Variants in ADGRL3 observed in about 807,000 individuals in gnomAD.
The protein encoded by ADGRL3 is adhesion G protein-coupled receptor L3, also known as calcium-independent alpha-latrotoxin receptor 3.
A neutral mutation model predicts 153.5 loss-of-function variants in ADGRL3; 62 were observed. The ratio of observed to expected loss-of-function variants is 0.40; its 90% CI spans 0.33 to 0.50. The LOEUF is 0.50. ADGRL3 is among the 20% of genes least tolerant of loss of function. ADGRL3 has a pLI of 0.47. For missense variants in ADGRL3, 1,641 were observed against 1,859.4 expected (o/e 0.88, Z 2.16); for synonymous variants, 710 against 672.5 (o/e 1.06, Z -0.86).
intron 1 of ADGRL3, among the ~76,000 whole-genome samples, chr4:61,337,947 C>T (rs2095714692): frequency 6.6e-6 from 1 of 152,102 alleles, no homozygotes; most frequent in African/African-American, 2.4e-5. Flanking sequence ...ACTTTTAATA[C>T]ATTCAGAGTA....
chr4:61,644,799 G>C (rs2093882716), intron 5 of ADGRL3, among the ~76,000 whole-genome samples: 1 of 152,120 alleles, frequency 6.6e-6, no homozygotes, highest in Admixed American at 6.6e-5. Context: ...TGTCTATTAT[G>C]TCCGCTTGGT....
intron 2 of ADGRL3, among the ~76,000 whole-genome samples, chr4:61,475,664 G>A (rs1449582561): frequency 6.6e-6 from 1 of 152,004 alleles, no homozygotes; most frequent in Non-Finnish European, 1.5e-5. Context: ...AAGATCTTGT[G>A]CTAACTGCTG....
At position 61,822,161 on chromosome 4, in the gene ADGRL3, A is replaced by G. The variant is rs571713776; in HGVS notation, c.1480+8272A>G. Among the ~76,000 whole-genome samples, 12 of 152,322 alleles carry G rather than the reference A, an allele frequency of 7.9e-5. No individual in the cohort carries two copies. The South Asian group carries it at 1.5e-3, about 18-fold the overall frequency. ...AATAGAATACAAACGAAACTTGCAT[A>G]TAACGGAGTTCTTTGATTGCATTAA... On this transcript the variant is annotated intron_variant, in intron 9 of 26. Transcript: ENST00000683033.
At chr4:61,651,864 C>G (rs1478483767) in intron 5 of ADGRL3, among the ~76,000 whole-genome samples, 1 of 151,116 alleles carries the variant, frequency 6.6e-6, no homozygotes, top group Non-Finnish European at 1.5e-5. Flanking sequence ...GATCTGCCTG[C>G]CTTGCCTCCC....
chr4:61,711,147 C>T (rs1160359803), intron 6 of ADGRL3, among the ~76,000 whole-genome samples: 1 of 152,018 alleles, frequency 6.6e-6, no homozygotes, highest in Admixed American at 6.6e-5. Flanking sequence ...ATTGGAAATA[C>T]CATTTTGGAG....
At chr4:61,589,656 T>C (rs2098961414) in intron 5 of ADGRL3, among the ~76,000 whole-genome samples, 1 of 152,070 alleles carries the variant, frequency 6.6e-6, no homozygotes, top group Admixed American at 6.6e-5. Context: ...TATTACTCAG[T>C]ATAAACAGCA....
At chr4:61,210,872 G>A (rs185826396) in intron 1 of ADGRL3, among the ~76,000 whole-genome samples, 2 of 152,106 alleles carry the variant, frequency 1.3e-5, no homozygotes, top group Admixed American at 6.5e-5. Context: ...TTAAATGTTC[G>A]GTTGATGTTG....
At chr4:61,598,061 A>T (rs2098996522) in intron 5 of ADGRL3, among the ~76,000 whole-genome samples, 1 of 152,124 alleles carries the variant, frequency 6.6e-6, no homozygotes, top group Admixed American at 6.6e-5. Context: ...TTGCCTGAGG[A>T]GATACAATCC....
intron 2 of ADGRL3, among the ~76,000 whole-genome samples, chr4:61,483,223 A>T (rs975349450): frequency 6.6e-6 from 1 of 152,202 alleles, no homozygotes; most frequent in African/African-American, 2.4e-5. Flanking sequence ...TGATTTAATT[A>T]TCTCTCTGCA....
intron 8 of ADGRL3, among the ~76,000 whole-genome samples, chr4:61,767,665 G>C (rs967988398): frequency 2.6e-5 from 4 of 152,108 alleles, no homozygotes; most frequent in Non-Finnish European, 4.4e-5. Flanking sequence ...ATTTTCAGTG[G>C]GGTCCCACAC....
chr4:61,218,122 AT>A (rs1190530977), intron 1 of ADGRL3, among the ~76,000 whole-genome samples: 1 of 152,208 alleles, frequency 6.6e-6, no homozygotes, highest in African/African-American at 2.4e-5. Context: ...TACTAATAAA[AT>A]AATAGTGAAG....
chr4:61,504,937 T>C (rs2098417713), intron 3 of ADGRL3, among the ~76,000 whole-genome samples: 1 of 152,232 alleles, frequency 6.6e-6, no homozygotes. Context: ...CACATAGCTC[T>C]TCAAAATACT....
chr4:62,046,558 C>G (rs893968153), intron 25 of ADGRL3, among the ~76,000 whole-genome samples: 17 of 151,854 alleles, frequency 1.1e-4, no homozygotes, highest in Non-Finnish European at 2.9e-5. Flanking sequence ...ATCAAAATCT[C>G]TAGTTTTAAA....
intron 1 of ADGRL3, among the ~76,000 whole-genome samples, chr4:61,366,652 T>G (rs1006679568): frequency 2.0e-5 from 3 of 152,200 alleles, no homozygotes; most frequent in African/African-American, 7.2e-5. Context: ...TATTTTTATT[T>G]GCTATTTAAT....
intron 1 of ADGRL3, among the ~76,000 whole-genome samples, chr4:61,281,457 C>T (rs910504619): frequency 6.6e-6 from 1 of 152,080 alleles, no homozygotes; most frequent in Non-Finnish European, 1.5e-5. Flanking sequence ...ACTTACAATG[C>T]TTGCAGGTAG....
At position 61,651,653 on chromosome 4, in the gene ADGRL3, G is replaced by T. The variant is rs201711722; in HGVS notation, c.474-25173G>T. On this transcript the variant is annotated intron_variant, in intron 5 of 26. Coordinates refer to ENST00000683033, the MANE Select transcript of ADGRL3 (RefSeq NM_001387552.1). Reference sequence around the variant, plus strand: ...AGACGGAGTTTCGCTCTGTCACCAGGCTGGAGTGCAGTGGCGTGATCTCGG... The same window carrying T: ...AGACGGAGTTTCGCTCTGTCACCAGTCTGGAGTGCAGTGGCGTGATCTCGG... 2.0e-4 allele frequency among the ~76,000 whole-genome samples: 30 copies of T among 151,896 alleles called. 1 individual carries two copies. In the East Asian group the frequency reaches 4.8e-3, roughly 25 times the overall value.
chr4:61,944,985 G>C (rs577079003), intron 15 of ADGRL3, among the ~76,000 whole-genome samples: 2 of 89,430 alleles, frequency 2.2e-5, no homozygotes, highest in African/African-American at 9.9e-5. Flanking sequence ...TTGAGGAACT[G>C]TGTTCCTTTG....
chr4:61,417,216 G>A (rs11930312), intron 2 of ADGRL3, among the ~76,000 whole-genome samples: 5,770 of 152,124 alleles, frequency 0.038, 148 homozygotes, highest in Non-Finnish European at 0.059. Flanking sequence ...AAACAAGACC[G>A]GGGGTGGTGG....
At chr4:61,273,497 A>G (rs1235395574) in intron 1 of ADGRL3, among the ~76,000 whole-genome samples, 1 of 152,222 alleles carries the variant, frequency 6.6e-6, no homozygotes, top group African/African-American at 2.4e-5. Context: ...ATATGCTTGC[A>G]TGGAAAGGCC....
Sources: gnomAD v4.1 joint callset for allele counts (sites outside exome capture counted in the v4.1 genomes callset) on GRCh38, gnomAD v4.1.1 for gene constraint, MANE v1.5 for transcripts, NCBI Gene and HGNC (gene_info 2026-07-23, HGNC 2026-07-21) for gene names.